LRP1B: variants seen among roughly 807,000 people sequenced by gnomAD.
LRP1B encodes LDL receptor related protein 1B, also known as low-density lipoprotein receptor-related protein 1B.
In LRP1B, 217 loss-of-function variants were observed where a neutral mutation model predicts 556.6. The ratio of observed to expected loss-of-function variants is 0.39; its 90% CI spans 0.35 to 0.44. LRP1B has a LOEUF of 0.44. Among genes scored for constraint, LRP1B ranks in the 20% least tolerant of loss-of-function variants. LRP1B has a pLI of 1.00. For synonymous variants in LRP1B, 2,047 were observed against 1,865.8 expected, an observed-to-expected ratio of 1.10 and a Z score of -2.50; for missense variants, 5,053 against 5,620.8, an observed-to-expected ratio of 0.90 and a Z score of 3.23.
At chr2:140,251,785 A>G (rs1484713021) in intron 86 of LRP1B, among the ~76,000 whole-genome samples, 1 of 151,820 alleles carries the variant, frequency 6.6e-6, no homozygotes, top group African/African-American at 2.4e-5. Context: ...ATCTCATTCA[A>G]TAAAAATAAA....
At chr2:141,679,684 TA>T (rs916046622) in intron 2 of LRP1B, among the ~76,000 whole-genome samples, 61 of 152,212 alleles carry the variant, frequency 4.0e-4, no homozygotes, top group African/African-American at 1.4e-3. Flanking sequence ...CTGGACAAAC[TA>T]AATATACATC....
intron 2 of LRP1B, among the ~76,000 whole-genome samples, chr2:141,793,225 C>T (rs1262019949): frequency 6.6e-6 from 1 of 151,870 alleles, no homozygotes; most frequent in Admixed American, 6.6e-5. Flanking sequence ...CACAATTTTG[C>T]TTTTTTAAAA....
chr2:141,993,830 C>A (rs1176653806), intron 1 of LRP1B, among the ~76,000 whole-genome samples: 1 of 152,088 alleles, frequency 6.6e-6, no homozygotes, highest in Non-Finnish European at 1.5e-5. Context: ...TGGCAATGTT[C>A]ACATTGCCTT....
intron 6 of LRP1B, among the ~76,000 whole-genome samples, chr2:141,207,833 G>A (rs549435454): frequency 2.0e-5 from 3 of 152,166 alleles, no homozygotes; most frequent in South Asian, 4.1e-4. Context: ...CCGCCACCAC[G>A]CCTGGCTTAT....
At chr2:140,761,711 T>A (rs288105) in intron 35 of LRP1B, among the ~76,000 whole-genome samples, 69,137 of 151,826 alleles carry the variant, frequency 0.46, 16,551 homozygotes, top group African/African-American at 0.61. Context: ...GCGAGCTTGG[T>A]AGTGAATCCT....
intron 32 of LRP1B, among the ~76,000 whole-genome samples, chr2:140,791,639 T>A (rs1295349905): frequency 6.6e-6 from 1 of 152,188 alleles, no homozygotes; most frequent in Non-Finnish European, 1.5e-5. Context: ...AGTAATTTTT[T>A]AATAACTTCT....
chr2:141,201,576 A>G (rs904394447), intron 6 of LRP1B, among the ~76,000 whole-genome samples: 3 of 152,122 alleles, frequency 2.0e-5, no homozygotes, highest in Non-Finnish European at 4.4e-5. Flanking sequence ...CTAAAAATAC[A>G]TATTTTAAGT....
At chr2:140,776,951 T>C (rs1689521326) in intron 32 of LRP1B, among the ~76,000 whole-genome samples, 1 of 152,190 alleles carries the variant, frequency 6.6e-6, no homozygotes, top group African/African-American at 2.4e-5. Flanking sequence ...ATTGTTTCAT[T>C]TTATAAAGAA....
intron 2 of LRP1B, among the ~76,000 whole-genome samples, chr2:141,641,454 G>A (rs904705921): frequency 3.3e-5 from 5 of 151,936 alleles, no homozygotes; most frequent in African/African-American, 9.7e-5. Context: ...TTTCATTATA[G>A]GCTATATAGT....
intron 3 of LRP1B, among the ~76,000 whole-genome samples, chr2:141,433,339 G>A (rs13012945): frequency 0.25 from 37,362 of 151,834 alleles, 4,757 homozygotes; most frequent in South Asian, 0.37. Flanking sequence ...AAAGTGGTCC[G>A]TGTGTGCTTA....
In LRP1B at chr2:140,526,359, A is replaced by G. The variant is rs775542091; in HGVS notation, c.7763-9T>C. The G allele has an allele frequency of 1.1e-5, 17 of 1,539,032 alleles. No individual in the cohort carries two copies. In the South Asian group the frequency reaches 1.8e-4, roughly 16 times the overall value. On this transcript the variant is annotated splice_polypyrimidine_tract_variant and intron_variant, in intron 47 of 90. Transcript: ENST00000389484. ...CGTGGCACAGGTTGAAACTAGAAAA[A>G]CAGGTACATAAACAAATGCAAAGAT... is the stretch of plus-strand genomic sequence containing the variant.
At chr2:141,592,315 C>A (rs1390762280) in intron 2 of LRP1B, among the ~76,000 whole-genome samples, 2 of 151,968 alleles carry the variant, frequency 1.3e-5, no homozygotes, top group East Asian at 3.9e-4. Flanking sequence ...CTGGGAAGTC[C>A]AAGATCAAGA....
chr2:140,887,422 T>C lies in LRP1B; in HGVS notation c.3767-1087A>G, dbSNP rs1319105045. 2.0e-5 allele frequency among the ~76,000 whole-genome samples: 3 copies of C among 152,182 alleles called. No individual in the cohort carries two copies. The East Asian group carries it at 5.8e-4, about 29-fold the overall frequency. ...GATATCATTCAATTGCATGTGAAAA[T>C]CTAGTCCTCCCAGAGCATTATTTCT... On this transcript the variant is annotated intron_variant, in intron 23 of 90. Coordinates refer to ENST00000389484, the MANE Select transcript of LRP1B (RefSeq NM_018557.3).
intron 7 of LRP1B, among the ~76,000 whole-genome samples, chr2:141,154,189 T>C (rs1702010431): frequency 6.6e-6 from 1 of 151,890 alleles, no homozygotes; most frequent in South Asian, 2.1e-4. Context: ...TGAAGTTGAA[T>C]GTGTTTCTAA....
rs775618482 is a variant in LRP1B, at chr2:141,188,488, C to A, written c.946G>T (p.Val316Leu). ...RIFVCNSNGS[V>L]CVTLIDLELH... Reference sequence around the variant, plus strand: ...TCCAGATCAATCAGGGTGACACATACAGAACCGTTGGAATTACAAACAAAG... The same window carrying A: ...TCCAGATCAATCAGGGTGACACATAAAGAACCGTTGGAATTACAAACAAAG... The change falls in exon 7 of 91, where the codon GTA becomes TTA. Residue 316 changes from valine to leucine, a missense_variant. Around this residue, in one of 5 missense-constraint regions of LRP1B, gnomAD observed 3,619 missense variants for 3,931.9 expected, o/e 0.92. Coordinates refer to ENST00000389484, the MANE Select transcript of LRP1B (RefSeq NM_018557.3). 6.2e-7 allele frequency: 1 copy of A among 1,612,784 alleles called. No homozygotes were observed. The highest frequency in any genetic ancestry group is 8.5e-7 in the Non-Finnish European group (1 of 1,179,210).
chr2:140,880,608 T>TA (rs139645383), intron 25 of LRP1B, among the ~76,000 whole-genome samples: 8,080 of 150,728 alleles, frequency 0.054, 274 homozygotes, highest in Non-Finnish European at 0.077. Context: ...TTGGCATCTG[T>TA]AAAAAAAAAG....
chr2:141,523,456 A>T (rs1012348724), intron 2 of LRP1B, among the ~76,000 whole-genome samples: 2 of 152,128 alleles, frequency 1.3e-5, no homozygotes, highest in African/African-American at 4.8e-5. Context: ...CAAGAGTCAC[A>T]ATGAATCAGT....
At chr2:142,130,326 G>A (rs1707806703) in intron 1 of LRP1B, among the ~76,000 whole-genome samples, 1 of 152,214 alleles carries the variant, frequency 6.6e-6, no homozygotes, top group Admixed American at 6.5e-5. Context: ...TCGGAAATGC[G>A]AATTCTCATT....
intron 68 of LRP1B, among the ~76,000 whole-genome samples, chr2:140,373,588 T>C (rs1238493698): frequency 6.6e-6 from 1 of 152,136 alleles, no homozygotes; most frequent in African/African-American, 2.4e-5. Flanking sequence ...TTAATAATTT[T>C]AGGTAATAAT....
Sources: allele counts gnomAD v4.1 joint callset (sites outside exome capture counted in the v4.1 genomes callset), GRCh38; gene constraint gnomAD v4.1.1; regional missense constraint gnomAD v4.1.1; transcripts MANE v1.5; gene names NCBI Gene and HGNC (gene_info 2026-07-23, HGNC 2026-07-21).